The following PKD1L1 variants were observed in gnomAD, a reference collection of about 807,000 sequenced individuals.
PKD1L1 encodes the protein polycystin 1 like 1, transient receptor potential channel interacting.
A neutral mutation model predicts 323.4 loss-of-function variants in PKD1L1; 236 were observed. That is an observed-to-expected ratio of 0.73 (90% CI 0.66 to 0.81). The LOEUF (loss-of-function observed/expected upper bound fraction) is 0.81, where lower values mean the gene tolerates loss of function less well. PKD1L1 is among the 40% of genes least tolerant of loss of function. The pLI is 0.00. For synonymous variants in PKD1L1, 1,344 were observed against 1,335.0 expected (o/e 1.01, Z -0.15); for missense variants, 3,320 against 3,508.0 (o/e 0.95, Z 1.35).
rs17710880 is a variant in PKD1L1 at position 47,837,189 on chromosome 7, A to G, written c.5770-95T>C. 0.18 allele frequency: 249,965 copies of G among 1,399,586 alleles called. 24,041 individuals carry two copies. The highest frequency in any genetic ancestry group is 0.24 in the Admixed American group (12,209 of 50,722). 86.7% of individuals were successfully genotyped at this position (1,399,586 alleles called of 1,614,324 possible). On this transcript the variant is annotated intron_variant, in intron 36 of 56. Coordinates refer to ENST00000289672, the MANE Select transcript of PKD1L1 (RefSeq NM_138295.5). Reference sequence around the variant, plus strand: ...AGCAGTGATCTTCTGAGCAGAGACCACGAGCTTTCTGGTTCTTCCATCCTA... The same window carrying G: ...AGCAGTGATCTTCTGAGCAGAGACCGCGAGCTTTCTGGTTCTTCCATCCTA...
At chr7:47,830,013 A>G (rs1012488206) in intron 43 of PKD1L1, 27 bp downstream of exon 43, 4 of 1,604,416 alleles carry the variant, frequency 2.5e-6, no homozygotes, top group South Asian at 1.1e-5. Context: ...GATGGAAGGC[A>G]CTTCTACCAT....
chr7:47,833,173 G>A lies in PKD1L1; in HGVS notation c.6254C>T (p.Ala2085Val), dbSNP rs1785383382. 1 of 1,612,762 alleles carries A rather than the reference G, an allele frequency of 6.2e-7. No individual in the cohort carries two copies. The highest frequency in any genetic ancestry group is 8.5e-7 in the Non-Finnish European group (1 of 1,179,506). ...AGCCCCATGAACCTGCAGCTTAGGG[G>A]CTGGACAAGCTGTGCCATTGTCACT... ...AASDNGTACP[A>V]PKLQVHGADH... Residue 2085 changes from alanine to valine, a missense_variant, in exon 41 of 57, where the codon GCC becomes GTC. Physicochemically the swap from Ala to Val is moderately conservative, Grantham distance 64. Transcript: ENST00000289672.
At chr7:47,907,303 C>T (rs1215869507) in intron 9 of PKD1L1, among the ~76,000 whole-genome samples, 6 of 152,164 alleles carry the variant, frequency 3.9e-5, no homozygotes, top group Non-Finnish European at 7.3e-5. Flanking sequence ...GGAAATGTGA[C>T]CCCATCATCC....
chr7:47,790,833 T>C (rs1786927532), intron 56 of PKD1L1, among the ~76,000 whole-genome samples: 1 of 151,838 alleles, frequency 6.6e-6, no homozygotes, highest in Admixed American at 6.6e-5. Flanking sequence ...CACCCCTCAC[T>C]GCAGCTTCTA....
rs1452649985 is a variant in PKD1L1, at chr7:47,855,190, G to A, written c.4666C>T (p.Pro1556Ser). Residue 1556 changes from proline to serine, a missense_variant, in exon 29 of 57, where the codon CCC becomes TCC. By Grantham distance (74) the Pro-to-Ser change is moderately conservative. Transcript: ENST00000289672. ...TCCTCCCCAAACTCGACCATCACGG[G>A]TTTCCTTAGCCATTGCCTGTTGATG... ...RPINRQWLRK[P>S]VMVEFGEEDG... 2.6e-5 allele frequency: 42 copies of A among 1,614,034 alleles called. No individual in the cohort carries two copies. Among genetic ancestry groups the A allele is most frequent in the Non-Finnish European group, 3.5e-5 (41 of 1,180,044 alleles).
At chr7:47,790,804 T>TC (rs1786927145) in intron 56 of PKD1L1, among the ~76,000 whole-genome samples, 1 of 151,656 alleles carries the variant, frequency 6.6e-6, no homozygotes, top group African/African-American at 2.4e-5. Context: ...GTGGTCTCAC[T>TC]CTGTCACCTA....
chr7:47,948,742 G>A (rs1788152611), upstream of PKD1L1, among the ~76,000 whole-genome samples: 1 of 152,156 alleles, frequency 6.6e-6, no homozygotes, highest in Non-Finnish European at 1.5e-5. Context: ...TGGATCACTT[G>A]AGGCCAGAAG....
chr7:47,792,935 G>A, intron 55 of PKD1L1, 138 bp from the exon 56 acceptor site: 1 of 767,524 alleles, frequency 1.3e-6, no homozygotes, highest in Non-Finnish European at 2.0e-6. Flanking sequence ...TCTGCCTGCA[G>A]TTAGAAGACC....
chr7:47,864,637 C>CT (rs1562964112), intron 26 of PKD1L1, among the ~76,000 whole-genome samples: 628 of 52,516 alleles, frequency 0.012, 2 homozygotes, highest in African/African-American at 0.03. Flanking sequence ...TCTTTCTTTC[C>CT]TTCCTTCCTT....
In PKD1L1 at chr7:47,809,529, G is replaced by C. The variant is rs772221646; in HGVS notation, c.7630C>G (p.Arg2544Gly). The change falls in exon 51 of 57, where the codon CGT becomes GGT. Residue 2544 changes from arginine (R) to glycine (G), a missense_variant. Transcript: ENST00000289672. The part of the protein sequence containing the change: ...SLIHLCVQLY[R>G]MMDKGVLSYW... The stretch of plus-strand genomic sequence containing the variant: ...CTGAGGACGCCCTTGTCCATCATAC[G>C]GTAGAGTTGAACACAGAGGTGGATC... 1.2e-6 allele frequency: 2 copies of C among 1,609,516 alleles called. No individual in the cohort carries two copies. The highest frequency in any genetic ancestry group is 3.4e-5 in the Admixed American group (2 of 59,324).
intron 31 of PKD1L1, among the ~76,000 whole-genome samples, chr7:47,849,182 T>C (rs1472527300): frequency 2.0e-5 from 3 of 152,234 alleles, no homozygotes; most frequent in Non-Finnish European, 4.4e-5. Context: ...TCTCTCATTT[T>C]ATGTAAAAAA....
intron 33 of PKD1L1, among the ~76,000 whole-genome samples, chr7:47,844,341 G>GA (rs886625232): frequency 6.6e-6 from 1 of 152,108 alleles, no homozygotes; most frequent in Non-Finnish European, 1.5e-5. Flanking sequence ...AATATAAGGA[G>GA]AAAAAAATTT....
At chr7:47,825,190 T>C (rs887859877) in intron 45 of PKD1L1, among the ~76,000 whole-genome samples, 1 of 152,116 alleles carries the variant, frequency 6.6e-6, no homozygotes, top group African/African-American at 2.4e-5. Context: ...TTCTGTGAAC[T>C]CTCTGTTCAC....
chr7:47,895,580 A>G (rs1460749384), intron 14 of PKD1L1, among the ~76,000 whole-genome samples: 1 of 152,186 alleles, frequency 6.6e-6, no homozygotes, highest in Non-Finnish European at 1.5e-5. Context: ...ATGGATATCT[A>G]TGGAAGAGGA....
upstream of PKD1L1, among the ~76,000 whole-genome samples, chr7:47,949,368 CAAAAAAAAAAA>C (rs58131581): frequency 4.9e-4 from 28 of 57,146 alleles, no homozygotes; most frequent in African/African-American, 1.5e-3. Flanking sequence ...GGCTCTGTCT[CAAAAAAAAAAA>C]AAAAAAAAAA....
chr7:47,896,549 G>T (rs77202138), intron 14 of PKD1L1, among the ~76,000 whole-genome samples: 3,727 of 151,798 alleles, frequency 0.025, 143 homozygotes, highest in African/African-American at 0.085. Context: ...GTTTGGGGGG[G>T]ACTTAGGATT....
In PKD1L1 at chr7:47,774,874, A is replaced by G. The variant is rs1187961404; in HGVS notation, c.*269T>C. 2.5e-6 allele frequency: 1 copy of G among 398,320 alleles called. No homozygotes were observed. 24.7% of individuals were successfully genotyped at this position (398,320 alleles called of 1,614,324 possible). ...ATATGTAACTCTAGGGCAACTGGCA[A>G]ATTAACCATTTGGGAGAAGGCTGGA... is the stretch of plus-strand genomic sequence containing the variant. On this transcript the variant is annotated 3_prime_UTR_variant, in exon 57 of 57. Transcript: ENST00000289672.
chr7:47,857,858 G>C (rs757807901), intron 27 of PKD1L1, 26 bp from the exon 28 acceptor site: 106 of 1,600,652 alleles, frequency 6.6e-5, no homozygotes, highest in Middle Eastern at 1.7e-4. Context: ...TAGGGAGTGG[G>C]ATGTTTATAA....
Position 47,817,988 on chromosome 7 carries a change from TC to T in PKD1L1, c.6966-2532del, listed in dbSNP as rs778411220. 2.5e-5 allele frequency: 32 copies of T among 1,272,346 alleles called. No homozygotes were observed. The African/African-American group carries it at 4.6e-4, about 18-fold the overall frequency. 78.8% of individuals were successfully genotyped at this position (1,272,346 alleles called of 1,614,324 possible). On this transcript the variant is annotated intron_variant, in intron 46 of 56. Transcript: ENST00000289672. Reference sequence around the variant, plus strand: ...TCTTATCCTTTCAAGTATTTGATCTTCATTGGTTTATACATCTTTAGAACTT... The same window carrying T: ...TCTTATCCTTTCAAGTATTTGATCTTATTGGTTTATACATCTTTAGAACTT...
Sources: allele counts gnomAD v4.1 joint callset (sites outside exome capture counted in the v4.1 genomes callset), GRCh38; gene constraint gnomAD v4.1.1; transcripts MANE v1.5; gene names NCBI Gene and HGNC (gene_info 2026-07-23, HGNC 2026-07-21).